The following CUL3 variants were observed in gnomAD, a reference collection of about 807,000 sequenced individuals.
The protein encoded by CUL3 is cullin 3.
A neutral mutation model predicts 89.1 loss-of-function variants in CUL3; 19 were observed. That is an observed-to-expected ratio of 0.21 (90% CI 0.15 to 0.31). CUL3 has a LOEUF of 0.31. CUL3 is among the 10% of genes least tolerant of loss of function. The pLI, the probability that CUL3 is intolerant of heterozygous loss-of-function variation, is 1.00. For synonymous variants in CUL3, 351 were observed against 308.4 expected (o/e 1.14, Z -1.45); for missense variants, 469 against 942.3 (o/e 0.50, Z 6.58).
intron 10 of CUL3, among the ~76,000 whole-genome samples, chr2:224,502,591 G>T (rs961589951): frequency 3.9e-5 from 6 of 152,182 alleles, no homozygotes; most frequent in Non-Finnish European, 5.9e-5. Flanking sequence ...ACTATCCCAA[G>T]ATGACACAAT....
chr2:224,477,175 A>T (rs1274034734), intron 15 of CUL3, among the ~76,000 whole-genome samples: 1 of 152,116 alleles, frequency 6.6e-6, no homozygotes, highest in Non-Finnish European at 1.5e-5. Flanking sequence ...AATTTGAAAA[A>T]ACATCAGAAT....
At chr2:224,475,354 A>G (rs1440688594) in intron 15 of CUL3, among the ~76,000 whole-genome samples, 1 of 152,218 alleles carries the variant, frequency 6.6e-6, no homozygotes, top group Non-Finnish European at 1.5e-5. Flanking sequence ...AAGTTGTCTC[A>G]TTTTACAAAC....
intron 2 of CUL3, among the ~76,000 whole-genome samples, chr2:224,552,863 T>C (rs867093237): frequency 4.6e-5 from 7 of 152,144 alleles, no homozygotes; most frequent in Admixed American, 2.0e-4. Flanking sequence ...CAAACAGTAA[T>C]GCTTTCAGAA....
chr2:224,572,478 CT>C (rs1353387695), intron 1 of CUL3, among the ~76,000 whole-genome samples: 1 of 146,764 alleles, frequency 6.8e-6, no homozygotes, highest in Non-Finnish European at 1.5e-5. Context: ...AACCCTGTCT[CT>C]TAAAAAAAAA....
At chr2:224,481,000 C>G (rs1559337096) in intron 14 of CUL3, among the ~76,000 whole-genome samples, 2 of 152,060 alleles carry the variant, frequency 1.3e-5, no homozygotes, top group African/African-American at 4.8e-5. Flanking sequence ...ACAAAAAGAT[C>G]AAAATGAAAA....
intron 2 of CUL3, among the ~76,000 whole-genome samples, chr2:224,555,744 A>G (rs1437502847): frequency 6.6e-6 from 1 of 152,138 alleles, no homozygotes; most frequent in Non-Finnish European, 1.5e-5. Flanking sequence ...CACTGTTCAT[A>G]TATATCCCAA....
chr2:224,521,508 G>A (rs1693261227), intron 3 of CUL3, among the ~76,000 whole-genome samples: 1 of 150,494 alleles, frequency 6.6e-6, no homozygotes, highest in African/African-American at 2.5e-5. Flanking sequence ...TCGGTTCACT[G>A]CAACTTCCGC....
chr2:224,584,179 A>C (rs1695510880), intron 1 of CUL3, among the ~76,000 whole-genome samples: 1 of 152,178 alleles, frequency 6.6e-6, no homozygotes, highest in Non-Finnish European at 1.5e-5. Context: ...TGTCACTGAA[A>C]GCGATGAAAC....
chr2:224,508,319 T>C (rs962305011), intron 6 of CUL3, among the ~76,000 whole-genome samples: 5 of 152,198 alleles, frequency 3.3e-5, no homozygotes, highest in Non-Finnish European at 5.9e-5. Context: ...TATATGCCCA[T>C]AGTAACCTAC....
chr2:224,531,405 A>C (rs986856181), intron 3 of CUL3, among the ~76,000 whole-genome samples: 5 of 151,038 alleles, frequency 3.3e-5, no homozygotes, highest in Non-Finnish European at 7.4e-5. Flanking sequence ...GCATATTTTT[A>C]ATAAGCATTT....
intron 3 of CUL3, among the ~76,000 whole-genome samples, chr2:224,520,273 C>T (rs2106235266): frequency 6.6e-6 from 1 of 152,318 alleles, no homozygotes; most frequent in Non-Finnish European, 1.5e-5. Flanking sequence ...CTTGGCCAAG[C>T]AGGCCTGCAA....
chr2:224,568,125 C>T (rs1695090675), intron 1 of CUL3, among the ~76,000 whole-genome samples: 2 of 152,146 alleles, frequency 1.3e-5, no homozygotes, highest in African/African-American at 4.8e-5. Context: ...ATCTTCTGAA[C>T]ACAGCTAGGT....
intron 1 of CUL3, among the ~76,000 whole-genome samples, chr2:224,584,125 CG>C (rs1219626160): frequency 6.6e-6 from 1 of 152,090 alleles, no homozygotes; most frequent in Non-Finnish European, 1.5e-5. Context: ...TACGACTCAA[CG>C]TAATGCCAAA....
At chr2:224,497,321 C>A (rs1292541396) in intron 12 of CUL3, among the ~76,000 whole-genome samples, 1 of 151,956 alleles carries the variant, frequency 6.6e-6, no homozygotes, top group Non-Finnish European at 1.5e-5. Flanking sequence ...TTTTAAATTA[C>A]TTTAATAACA....
intron 2 of CUL3, among the ~76,000 whole-genome samples, chr2:224,545,047 AT>A (rs1442741831): frequency 1.3e-5 from 2 of 152,150 alleles, no homozygotes; most frequent in Non-Finnish European, 2.9e-5. Context: ...TCAAACTCCA[AT>A]TATTTGTACA....
chr2:224,500,644 T>TG (rs1426477309), intron 10 of CUL3, among the ~76,000 whole-genome samples, 157 bp from the exon 11 acceptor site: 2 of 138,172 alleles, frequency 1.4e-5, no homozygotes, highest in Non-Finnish European at 3.2e-5. Flanking sequence ...TTTTTTTTTT[T>TG]GAGACAGAGT....
chr2:224,489,612 G>C (rs1325936884), intron 13 of CUL3, among the ~76,000 whole-genome samples: 1 of 152,114 alleles, frequency 6.6e-6, no homozygotes, highest in African/African-American at 2.4e-5. Flanking sequence ...TATGCTCATG[G>C]ATAGGAAGAA....
rs1273617714 is a variant in CUL3 at position 224,585,261 on chromosome 2, T to TC, written c.-253dup. ...GCGCTGGCGCGGCGGCTCCGCGGGG[T>TC]CCCCCTCACGTCCGGCTCGGCTCCC... On this transcript the variant is annotated 5_prime_UTR_variant, in exon 1 of 16. Transcript: ENST00000264414. The TC allele has an allele frequency of 5.1e-6, 2 of 388,630 alleles. No homozygotes were observed. Among genetic ancestry groups the TC allele is most frequent in the Non-Finnish European group, 9.0e-6 (2 of 223,346 alleles). 24.1% of individuals were successfully genotyped at this position (388,630 alleles called of 1,614,324 possible).
chr2:224,502,305 A>G (rs1333889986), intron 10 of CUL3, among the ~76,000 whole-genome samples: 1 of 152,210 alleles, frequency 6.6e-6, no homozygotes, highest in Non-Finnish European at 1.5e-5. Flanking sequence ...AAAACTGTAC[A>G]ATTCTCTAAA....
Sources: allele counts gnomAD v4.1 joint callset (sites outside exome capture counted in the v4.1 genomes callset), GRCh38; gene constraint gnomAD v4.1.1; transcripts MANE v1.5; gene names NCBI Gene and HGNC (gene_info 2026-07-23, HGNC 2026-07-21).